The following SMYD2 variants were observed in gnomAD, a reference collection of about 807,000 sequenced individuals.
SMYD2 encodes SET and MYND domain containing 2.
SMYD2 carries 53 observed loss-of-function variants against 59.1 expected under a neutral mutation model. The observed-to-expected ratio is 0.90, with a 90% CI of 0.72 to 1.13. The LOEUF (loss-of-function observed/expected upper bound fraction) is 1.13, where lower values mean the gene tolerates loss of function less well. Ranked by LOEUF, SMYD2 falls within the 50% of genes most tolerant of loss-of-function variation. The pLI is 0.00. For synonymous variants in SMYD2, 208 were observed against 198.8 expected (o/e 1.05, Z -0.39); for missense variants, 494 against 544.7 (o/e 0.91, Z 0.93).
At chr1:214,296,313 C>T (rs935421006) in intron 1 of SMYD2, among the ~76,000 whole-genome samples, 27 of 152,330 alleles carry the variant, frequency 1.8e-4, no homozygotes, top group Non-Finnish European at 2.8e-4. Flanking sequence ...ATGACAGGAG[C>T]GTGTCTTCTA....
intron 1 of SMYD2, among the ~76,000 whole-genome samples, chr1:214,288,400 G>C (rs933597616): frequency 6.6e-6 from 1 of 152,110 alleles, no homozygotes; most frequent in African/African-American, 2.4e-5. Flanking sequence ...TTAAAGGCCG[G>C]ACTCCATGAC....
intron 5 of SMYD2, among the ~76,000 whole-genome samples, chr1:214,324,229 G>A (rs1055428665): frequency 1.4e-4 from 21 of 152,148 alleles, no homozygotes; most frequent in Admixed American, 1.2e-3. Context: ...GAGCTACCAC[G>A]CCCAGCCAGA....
chr1:214,297,287 G>A (rs935805772), intron 1 of SMYD2, among the ~76,000 whole-genome samples: 10 of 119,508 alleles, frequency 8.4e-5, no homozygotes, highest in African/African-American at 2.0e-4. Context: ...ACTTCTTTTC[G>A]CTCCATTCCT....
intron 5 of SMYD2, among the ~76,000 whole-genome samples, chr1:214,321,676 G>A (rs1657174625): frequency 6.6e-6 from 1 of 152,206 alleles, no homozygotes; most frequent in Non-Finnish European, 1.5e-5. Context: ...TAATCACTGG[G>A]AACATATGCA....
In SMYD2 at chr1:214,325,955, G is replaced by A. The variant is rs945249136; in HGVS notation, c.602+1247G>A. ...TTAAGAGTAAGGTGCTGCCGGGCAC[G>A]CCTTACAGGTGTGGTGGCTCACACC... On this transcript the variant is annotated intron_variant, in intron 6 of 11. Transcript: ENST00000366957. 2.6e-4 allele frequency among the ~76,000 whole-genome samples: 39 copies of A among 151,792 alleles called. 1 individual carries two copies. The highest frequency in any genetic ancestry group is 8.5e-4 in the African/African-American group (35 of 41,378).
At chr1:214,322,438 T>TTACA (rs1184017521) in intron 5 of SMYD2, among the ~76,000 whole-genome samples, 1 of 152,228 alleles carries the variant, frequency 6.6e-6, no homozygotes, top group Non-Finnish European at 1.5e-5. Context: ...AGTCTTCTAC[T>TTACA]TACACATGCC....
At chr1:214,283,378 T>C (rs1169233757) in intron 1 of SMYD2, among the ~76,000 whole-genome samples, 4 of 152,244 alleles carry the variant, frequency 2.6e-5, no homozygotes, top group African/African-American at 7.2e-5. Context: ...GGGGTGTTAT[T>C]ACAACTTGCA....
chr1:214,318,235 G>A lies in SMYD2; in HGVS notation c.409+96G>A. 1 of 1,118,634 alleles carries A rather than the reference G, an allele frequency of 8.9e-7. No homozygotes were observed. Among genetic ancestry groups the A allele is most frequent in the Non-Finnish European group, 1.3e-6 (1 of 770,756 alleles). The allele number at this position is 1,118,634 out of a possible 1,614,324, so 69.3% of individuals were successfully genotyped here. A position where few individuals can be genotyped will look rare whatever the true frequency, so the allele number is the denominator to read the frequency against. ...GCGAGGACGGGCTAGTTTGTGCTCAGAGGAGTAGTGATTTCTTTGATTACT... is the reference window on the plus strand; with the variant it reads ...GCGAGGACGGGCTAGTTTGTGCTCAAAGGAGTAGTGATTTCTTTGATTACT... On this transcript the variant is annotated intron_variant, in intron 4 of 11. Coordinates refer to ENST00000366957, the MANE Select transcript of SMYD2 (RefSeq NM_020197.3). This position sits in a 1 kb window ranked among gnomAD's most constrained non-coding sequence, Gnocchi z 5.4.
At chr1:214,293,329 T>C (rs1464329375) in intron 1 of SMYD2, among the ~76,000 whole-genome samples, 2 of 152,062 alleles carry the variant, frequency 1.3e-5, no homozygotes, top group Non-Finnish European at 2.9e-5. Flanking sequence ...GCTGGGATGA[T>C]AGGCATGAGC....
At chr1:214,333,032 G>C (rs1657380007) in intron 10 of SMYD2, 1 of 152,212 alleles carries the variant, frequency 6.6e-6, no homozygotes, top group Non-Finnish European at 1.5e-5. Flanking sequence ...CCGAGATTAG[G>C]GTCTGTGAAG....
chr1:214,301,217 T>C (rs975150227), intron 1 of SMYD2, among the ~76,000 whole-genome samples: 1 of 152,186 alleles, frequency 6.6e-6, no homozygotes, highest in Non-Finnish European at 1.5e-5. Flanking sequence ...AAATAAAGCT[T>C]CACATAGATA....
intron 2 of SMYD2, among the ~76,000 whole-genome samples, chr1:214,307,543 T>G (rs1320778598): frequency 6.6e-6 from 1 of 152,228 alleles, no homozygotes; most frequent in Non-Finnish European, 1.5e-5. Flanking sequence ...AAAATGAGTC[T>G]TAACTCCTTT....
intron 2 of SMYD2, among the ~76,000 whole-genome samples, chr1:214,308,664 C>G (rs1254735660): frequency 6.6e-6 from 1 of 152,138 alleles, no homozygotes; most frequent in Non-Finnish European, 1.5e-5. Flanking sequence ...TAGGCCCTAC[C>G]CCCCTGGAGT....
chr1:214,297,659 G>A (rs1022180758), intron 1 of SMYD2, among the ~76,000 whole-genome samples: 7 of 152,124 alleles, frequency 4.6e-5, no homozygotes, highest in Admixed American at 4.6e-4. Flanking sequence ...TAAATCTCTC[G>A]CTAGCTCTGG....
At chr1:214,314,741 T>C (rs1435448837) in intron 2 of SMYD2, 21 bp from the exon 3 acceptor site, 2 of 1,583,328 alleles carry the variant, frequency 1.3e-6, no homozygotes, top group Admixed American at 3.3e-5. Context: ...TTTTTAATAA[T>C]GTTTTTTTCA....
intron 7 of SMYD2, among the ~76,000 whole-genome samples, chr1:214,329,555 G>A (rs4655246): frequency 7.2e-6 from 1 of 139,284 alleles, no homozygotes; most frequent in Non-Finnish European, 1.7e-5. Context: ...TTCCAAGCTC[G>A]CTGCCCTGCA....
intron 3 of SMYD2, among the ~76,000 whole-genome samples, chr1:214,316,996 T>C (rs546393743): frequency 6.6e-6 from 1 of 152,220 alleles, no homozygotes; most frequent in East Asian, 1.9e-4. Flanking sequence ...GTTTTATTAT[T>C]TTGTTCCCCT....
intron 5 of SMYD2, among the ~76,000 whole-genome samples, chr1:214,320,886 C>G (rs1218530577): frequency 6.6e-6 from 1 of 152,054 alleles, no homozygotes; most frequent in Non-Finnish European, 1.5e-5. Flanking sequence ...ACCTAAGTAT[C>G]CTGAGACAAT....
At chr1:214,299,007 C>T (rs185857384) in intron 1 of SMYD2, among the ~76,000 whole-genome samples, 25 of 152,026 alleles carry the variant, frequency 1.6e-4, no homozygotes, top group African/African-American at 5.8e-4. Context: ...GCAAATTAGC[C>T]GGACATGGTA....
Sources: allele counts gnomAD v4.1 joint callset (sites outside exome capture counted in the v4.1 genomes callset), GRCh38; gene constraint gnomAD v4.1.1; non-coding constraint Gnocchi (gnomAD v3.1); transcripts MANE v1.5; gene names NCBI Gene and HGNC (gene_info 2026-07-23, HGNC 2026-07-21).